The following EFCAB6 variants were observed in gnomAD, a reference collection of about 807,000 sequenced individuals.
EFCAB6 encodes the protein EF-hand calcium-binding domain-containing protein 6.
EFCAB6 carries 156 observed loss-of-function variants against 169.8 expected under a neutral mutation model. The observed-to-expected ratio is 0.92, with a 90% CI of 0.81 to 1.05. The LOEUF is 1.05. Among genes scored for constraint, EFCAB6 ranks in the 50% least tolerant of loss-of-function variants. The pLI is 0.00. For synonymous variants in EFCAB6, 698 were observed against 676.4 expected, an observed-to-expected ratio of 1.03 and a Z score of -0.50; for missense variants, 1,800 against 1,829.1, an observed-to-expected ratio of 0.98 and a Z score of 0.29.
intron 10 of EFCAB6, among the ~76,000 whole-genome samples, chr22:43,710,682 A>G (rs2059127552): frequency 6.6e-6 from 1 of 152,218 alleles, no homozygotes. Flanking sequence ...TATAATCTCT[A>G]ATGAATGGAT....
At position 43,555,069 on chromosome 22, in the gene EFCAB6, G is replaced by A. The variant is rs34344550; in HGVS notation, c.3448C>T (p.Pro1150Ser). The part of the protein sequence containing the change: ...ETADEWAEKM[P>S]KGPPPTSPKA... ...GGAGAGGTAGGCGGCGGGCCTTTGG[G>A]CATTTTCTCAGCCCACTCATCAGCT... Residue 1150 changes from proline to serine, a missense_variant, in exon 27 of 32, where the codon CCC (proline) becomes TCC (serine). Physicochemically the swap from Pro to Ser is moderately conservative, Grantham distance 74. Transcript: ENST00000262726. 6.3e-3 allele frequency: 10,108 copies of A among 1,614,224 alleles called. 63 individuals are homozygous for A. The highest frequency in any genetic ancestry group is 0.039 in the Middle Eastern group (234 of 6,062).
chr22:43,807,158 C>T (rs1206728104), intron 2 of EFCAB6, among the ~76,000 whole-genome samples: 1 of 152,148 alleles, frequency 6.6e-6, no homozygotes, highest in Non-Finnish European at 1.5e-5. Flanking sequence ...CTTGATGGAC[C>T]ACAGTTATCA....
rs1223434469 is a variant in EFCAB6, at chr22:43,740,432, C to T, written c.508-4439G>A. 2.6e-5 allele frequency among the ~76,000 whole-genome samples: 4 copies of T among 152,280 alleles called. 1 individual carries two copies. In the South Asian group the frequency reaches 6.2e-4, roughly 24 times the overall value. ...AAAGAGCCACGATCTGCAGAAGCCT[C>T]GTGTTATGTCTGCAAATACCTCCTC... On this transcript the variant is annotated intron_variant, in intron 6 of 31. Transcript: ENST00000262726.
chr22:43,623,337 G>C (rs1230382578), intron 20 of EFCAB6, among the ~76,000 whole-genome samples: 1 of 152,156 alleles, frequency 6.6e-6, no homozygotes, highest in Non-Finnish European at 1.5e-5. Context: ...GTCAAGGCAA[G>C]TGTGTTTTAA....
At chr22:43,782,413 G>A (rs1291667005) in intron 2 of EFCAB6, 88 bp from the exon 3 acceptor site, 7 of 1,168,922 alleles carry the variant, frequency 6.0e-6, no homozygotes, top group Non-Finnish European at 8.6e-6. Flanking sequence ...TTTTCTGAAG[G>A]GACAGCTGCA....
chr22:43,618,197 AG>A (rs2053857583), intron 20 of EFCAB6, among the ~76,000 whole-genome samples: 1 of 133,042 alleles, frequency 7.5e-6, no homozygotes, highest in Non-Finnish European at 1.7e-5. Flanking sequence ...AAAGAAAGAA[AG>A]AAAGAAAGAA....
intron 22 of EFCAB6, among the ~76,000 whole-genome samples, chr22:43,600,753 TC>T (rs2052454696): frequency 6.6e-6 from 1 of 152,144 alleles, no homozygotes; most frequent in South Asian, 2.1e-4. Context: ...AACCTCTGTC[TC>T]CAAGGCTCAA....
At chr22:43,712,552 T>G (rs1174016098) in intron 9 of EFCAB6, among the ~76,000 whole-genome samples, 1 of 152,198 alleles carries the variant, frequency 6.6e-6, no homozygotes, top group Non-Finnish European at 1.5e-5. Context: ...TATTTAGAGA[T>G]ATAAGTTCAT....
intron 26 of EFCAB6, among the ~76,000 whole-genome samples, chr22:43,559,749 G>T (rs981958203): frequency 1.3e-5 from 2 of 152,112 alleles, no homozygotes. Context: ...ATTCTCAGCA[G>T]ACTAACATAG....
At chr22:43,689,049 T>A (rs1334887287) in intron 10 of EFCAB6, among the ~76,000 whole-genome samples, 4 of 151,458 alleles carry the variant, frequency 2.6e-5, no homozygotes, top group Non-Finnish European at 5.9e-5. Flanking sequence ...AAAGAGAGAG[T>A]GAAGGATGCC....
intron 20 of EFCAB6, among the ~76,000 whole-genome samples, chr22:43,621,830 T>C (rs921460069): frequency 1.3e-5 from 2 of 152,090 alleles, no homozygotes; most frequent in African/African-American, 4.8e-5. Flanking sequence ...AGATCAACTA[T>C]GAAAGTGATA....
At chr22:43,738,325 T>C (rs1357231065) in intron 6 of EFCAB6, among the ~76,000 whole-genome samples, 1 of 150,516 alleles carries the variant, frequency 6.6e-6, no homozygotes, top group African/African-American at 2.5e-5. Context: ...CACACATATA[T>C]ATTCACACAC....
intron 2 of EFCAB6, chr22:43,802,650 G>C (rs1011541267): frequency 2.2e-5 from 11 of 494,716 alleles, no homozygotes; most frequent in Non-Finnish European, 2.4e-5. Flanking sequence ...ACAAAGAAGA[G>C]AGAGAAGGTA....
intron 26 of EFCAB6, among the ~76,000 whole-genome samples, chr22:43,560,277 A>G (rs886974107): frequency 5.8e-4 from 89 of 152,354 alleles, no homozygotes; most frequent in African/African-American, 2.1e-3. Context: ...TGTGAGAATT[A>G]CCATGAAATT....
intron 12 of EFCAB6, among the ~76,000 whole-genome samples, chr22:43,679,768 T>C (rs939878987): frequency 6.6e-6 from 1 of 152,212 alleles, no homozygotes; most frequent in African/African-American, 2.4e-5. Flanking sequence ...AAAGATTGTA[T>C]TGGCTGTTCA....
At chr22:43,579,267 C>A (rs893989647) in intron 25 of EFCAB6, among the ~76,000 whole-genome samples, 1 of 149,926 alleles carries the variant, frequency 6.7e-6, no homozygotes, top group Non-Finnish European at 1.5e-5. Context: ...TCCCTACATG[C>A]AGGCATTATT....
At chr22:43,609,139 T>C (rs2053129261) in intron 21 of EFCAB6, among the ~76,000 whole-genome samples, 1 of 152,194 alleles carries the variant, frequency 6.6e-6, no homozygotes, top group Non-Finnish European at 1.5e-5. Flanking sequence ...TGTTTCCAAG[T>C]AATAGCTCAT....
chr22:43,767,192 C>T (rs972090030), intron 4 of EFCAB6, among the ~76,000 whole-genome samples: 13 of 152,114 alleles, frequency 8.5e-5, no homozygotes, highest in Admixed American at 4.6e-4. Flanking sequence ...CTTAAAATGC[C>T]GGCCTCAAAG....
chr22:43,617,441 C>T (rs1286621860), intron 20 of EFCAB6, among the ~76,000 whole-genome samples: 5 of 152,200 alleles, frequency 3.3e-5, no homozygotes, highest in Non-Finnish European at 5.9e-5. Context: ...ACTTTTCACA[C>T]CCTGATTTCT....
Sources: gnomAD v4.1 joint callset for allele counts (sites outside exome capture counted in the v4.1 genomes callset) on GRCh38, gnomAD v4.1.1 for gene constraint, MANE v1.5 for transcripts, NCBI Gene and HGNC (gene_info 2026-07-23, HGNC 2026-07-21) for gene names.